The following CCDC61 variants were observed in gnomAD, a reference collection of about 807,000 sequenced individuals.
The protein encoded by CCDC61 is coiled-coil domain containing 61.
A neutral mutation model predicts 63.0 loss-of-function variants in CCDC61; 55 were observed. The observed-to-expected ratio is 0.87, with a 90% CI of 0.70 to 1.09. The LOEUF is 1.09. Ranked by LOEUF, CCDC61 falls within the 50% of genes least tolerant of loss-of-function variation. The probability of loss-of-function intolerance (pLI) is 0.00; values close to 1 mark genes in which losing one functional copy is unlikely to be tolerated. For synonymous variants in CCDC61, 270 were observed against 317.0 expected, an observed-to-expected ratio of 0.85 and a Z score of 1.58; for missense variants, 651 against 731.4, an observed-to-expected ratio of 0.89 and a Z score of 1.27.
rs1227413510 is a variant in CCDC61, at chr19:46,009,743, T to C, written c.551+1442T>C. 2.6e-5 allele frequency among the ~76,000 whole-genome samples: 4 copies of C among 152,208 alleles called. No individual in the cohort carries two copies. In the East Asian group the frequency reaches 5.8e-4, roughly 22 times the overall value. On this transcript the variant is annotated intron_variant, in intron 5 of 13. Transcript: ENST00000595358. ...TTGGAGGAGCTCGCCTGTGTACGGC[T>C]GGGCCGAGGAAGGCCGCAGTGGGGA...
At position 46,018,273 on chromosome 19, in the gene CCDC61, CA is replaced by C. The variant is rs146228091; in HGVS notation, c.1442-16del. On this transcript the variant is annotated splice_polypyrimidine_tract_variant and intron_variant, in intron 13 of 13. Coordinates refer to ENST00000595358, the MANE Select transcript of CCDC61 (RefSeq NM_001267723.2). This position sits in a 1 kb window ranked among gnomAD's most constrained non-coding sequence, Gnocchi z 4.2. ...TCAGGCCCCTCACAGCCCCCATACC[CA>C]CACCTGCTCTCACAGAGTACAGCTC... is the stretch of plus-strand genomic sequence containing the variant. 5,215 of 1,559,562 alleles carry C rather than the reference CA, an allele frequency of 3.3e-3. 158 individuals are homozygous for C. The African/African-American group carries it at 0.063, about 19-fold the overall frequency.
At position 46,016,165 on chromosome 19, in the gene CCDC61, G is replaced by A; in HGVS notation, c.957G>A (p.Glu319=). The change falls in exon 8 of 14, where the codon GAG becomes GAA. Residue 319 remains glutamate, a synonymous_variant. Coordinates refer to ENST00000595358, the MANE Select transcript of CCDC61 (RefSeq NM_001267723.2). This position sits in a 1 kb window ranked among gnomAD's most constrained non-coding sequence, Gnocchi z 7.2. The part of the protein sequence containing the change: ...GRGAARSSSR[E]SGRGSRGRGR... ...GCGCCGCGCGCTCCTCATCCCGGGA[G>A]AGCGGCCGCGGGAGCCGGGGTCGGG... is the stretch of plus-strand genomic sequence containing the variant. 4 of 1,301,000 alleles carry A rather than the reference G, an allele frequency of 3.1e-6. No individual in the cohort carries two copies. The South Asian group carries it at 7.1e-5, about 23-fold the overall frequency. 80.6% of individuals were successfully genotyped at this position (1,301,000 alleles called of 1,614,324 possible). A position where few individuals can be genotyped will look rare whatever the true frequency, so the allele number is the denominator to read the frequency against.
intron 1 of CCDC61, among the ~76,000 whole-genome samples, chr19:45,999,765 G>A (rs1968557029): frequency 6.6e-6 from 1 of 152,078 alleles, no homozygotes; most frequent in African/African-American, 2.4e-5. Context: ...AGAGAGCTGG[G>A]GGCTGAAACA....
chr19:46,002,658 C>T (rs562178710), intron 1 of CCDC61, among the ~76,000 whole-genome samples: 1 of 151,924 alleles, frequency 6.6e-6, no homozygotes, highest in Non-Finnish European at 1.5e-5. Context: ...CTCAAGTGAT[C>T]CTCCTGCCTC....
At chr19:46,004,086 A>ATG (rs1968650059) in intron 3 of CCDC61, among the ~76,000 whole-genome samples, 1 of 151,276 alleles carries the variant, frequency 6.6e-6, no homozygotes, top group Non-Finnish European at 1.5e-5. Flanking sequence ...TTACAGGCGC[A>ATG]CGCCACCATG....
intron 3 of CCDC61, among the ~76,000 whole-genome samples, chr19:46,004,835 C>CTTTTT (rs748867869): frequency 1.0e-5 from 1 of 95,244 alleles, no homozygotes; most frequent in Non-Finnish European, 2.0e-5. Context: ...ATTTAGATAT[C>CTTTTT]TTTTTTTTTT....
At chr19:46,004,449 T>C (rs995032143) in intron 3 of CCDC61, among the ~76,000 whole-genome samples, 1 of 152,060 alleles carries the variant, frequency 6.6e-6, no homozygotes, top group Admixed American at 6.6e-5. Context: ...AAATACATAA[T>C]GTCAGGTATT....
intron 5 of CCDC61, among the ~76,000 whole-genome samples, chr19:46,012,551 A>G (rs56715183): frequency 6.6e-6 from 1 of 152,154 alleles, no homozygotes; most frequent in South Asian, 2.1e-4. Flanking sequence ...GGAGGCTGAG[A>G]CAGGAGAATC....
intron 3 of CCDC61, among the ~76,000 whole-genome samples, chr19:46,005,271 A>G (rs1179337560): frequency 1.3e-5 from 2 of 152,210 alleles, no homozygotes; most frequent in Admixed American, 1.3e-4. Context: ...CGGCCTCCCA[A>G]AGTGCTGGGA....
intron 1 of CCDC61, among the ~76,000 whole-genome samples, chr19:46,000,387 C>T (rs1968568372): frequency 6.6e-6 from 1 of 151,786 alleles, no homozygotes; most frequent in African/African-American, 2.4e-5. Flanking sequence ...TGCGGGAGCC[C>T]TAGGAGACCG....
intron 1 of CCDC61, 79 bp from the exon 2 acceptor site, chr19:46,002,929 A>C: frequency 1.4e-6 from 2 of 1,390,132 alleles, no homozygotes; most frequent in Non-Finnish European, 2.0e-6. Context: ...TGATGGAGCC[A>C]GGATATGAGG....
At chr19:46,009,816 A>ATGTGTGTGTGTGTG (rs761965873) in intron 5 of CCDC61, among the ~76,000 whole-genome samples, 136 of 113,310 alleles carry the variant, frequency 1.2e-3, no homozygotes, top group South Asian at 2.2e-3. Context: ...GTGTGTGTGT[A>ATGTGTGTGTGTGTG]TGTGTGTGTG....
intron 1 of CCDC61, among the ~76,000 whole-genome samples, chr19:45,998,468 C>T (rs1968533004): frequency 6.6e-6 from 1 of 152,154 alleles, no homozygotes; most frequent in African/African-American, 2.4e-5. Flanking sequence ...CAGCTCCTGA[C>T]CCAGCCTGGG....
intron 2 of CCDC61, 74 bp downstream of exon 2, chr19:46,003,240 C>T: frequency 6.6e-7 from 1 of 1,506,994 alleles, no homozygotes; most frequent in Non-Finnish European, 8.9e-7. Context: ...TCAGGCCACC[C>T]TGAATCCTGC....
At position 45,995,496 on chromosome 19, in the gene CCDC61, G is replaced by C. The variant is rs1313666911; in HGVS notation, c.-20G>C. ...GAACCGCTCGCGAGGAGGGTTGCTA[G>C]TGGAGAAGGTGAGAGGCCGCGGGAG... On this transcript the variant is annotated 5_prime_UTR_variant, in exon 1 of 14. Transcript: ENST00000595358. 1 of 528,966 alleles carries C rather than the reference G, an allele frequency of 1.9e-6. No individual in the cohort carries two copies. The highest frequency in any genetic ancestry group is 5.5e-5 in the East Asian group (1 of 18,154). 32.8% of individuals were successfully genotyped at this position (528,966 alleles called of 1,614,324 possible). A position where few individuals can be genotyped will look rare whatever the true frequency, so the allele number is the denominator to read the frequency against.
At chr19:46,014,129 A>AT (rs1468199839) in intron 5 of CCDC61, among the ~76,000 whole-genome samples, 9 of 151,996 alleles carry the variant, frequency 5.9e-5, no homozygotes, top group African/African-American at 2.2e-4. Flanking sequence ...AATTTCTTAC[A>AT]TTTTTTAAAA....
In CCDC61 at chr19:46,016,119, G is replaced by A. The variant is rs1968927281; in HGVS notation, c.911G>A (p.Arg304His). The change falls in exon 8 of 14, where the codon CGC becomes CAC. Residue 304 changes from arginine to histidine, a missense_variant. Physicochemically the swap from Arg to His is conservative, Grantham distance 29. Transcript: ENST00000595358. This position sits in a 1 kb window ranked among gnomAD's most constrained non-coding sequence, Gnocchi z 7.2. ...REDRASSSRE[R>H]SASRGRGAAR... is the part of the protein sequence containing the mutation. ...GACCGGGCCTCATCGTCCCGGGAGC[G>A]CTCCGCGTCGCGAGGCCGCGGCGCC... The A allele has an allele frequency of 2.3e-5, 28 of 1,227,826 alleles. No individual in the cohort carries two copies. The highest frequency in any genetic ancestry group is 2.7e-5 in the Non-Finnish European group (27 of 994,814). 76.1% of individuals were successfully genotyped at this position (1,227,826 alleles called of 1,614,324 possible).
chr19:46,007,941 A>G (rs1195530287), intron 4 of CCDC61, among the ~76,000 whole-genome samples, 199 bp from the exon 5 acceptor site: 1 of 152,210 alleles, frequency 6.6e-6, no homozygotes, highest in Non-Finnish European at 1.5e-5. Context: ...ATTGTTATAT[A>G]AGAGGCTTTC....
chr19:46,003,090 T>C lies in CCDC61; in HGVS notation c.72T>C (p.Val24=). 1.2e-6 allele frequency: 2 copies of C among 1,611,814 alleles called. No homozygotes were observed. The part of the protein sequence containing the change: ...RGVEHAVRVM[V]SGQVLELEVE... ...TGGAGCATGCCGTGCGGGTGATGGT[T>C]TCTGGGCAGGTGCTGGAGCTGGAGG... The change falls in exon 2 of 14, where the codon GTT becomes GTC. Residue 24 remains valine (V), a synonymous_variant. Coordinates refer to ENST00000595358, the MANE Select transcript of CCDC61 (RefSeq NM_001267723.2).
Sources: gnomAD v4.1 joint callset for allele counts (sites outside exome capture counted in the v4.1 genomes callset) on GRCh38, gnomAD v4.1.1 for gene constraint, Gnocchi (gnomAD v3.1) non-coding constraint, MANE v1.5 for transcripts, NCBI Gene and HGNC (gene_info 2026-07-23, HGNC 2026-07-21) for gene names.